Variants in SAMSN1 observed in about 807,000 individuals in gnomAD.
SAMSN1 encodes SAM domain-containing protein SAMSN-1.
Under a neutral mutation model 42.0 loss-of-function variants are expected in SAMSN1, and 31 were observed. That is an observed-to-expected ratio of 0.74 (90% confidence interval 0.55 to 1.00). The LOEUF (loss-of-function observed/expected upper bound fraction) is 1.00. Ranked by LOEUF, SAMSN1 falls within the 50% of genes least tolerant of loss-of-function variation. The probability of loss-of-function intolerance (pLI) is 0.00; values close to 1 mark genes in which losing one functional copy is unlikely to be tolerated. For missense variants in SAMSN1, 464 were observed against 439.4 expected (o/e 1.06, Z -0.50); for synonymous variants, 178 against 151.9 (o/e 1.17, Z -1.26).
At chr21:14,539,611 G>T (rs1979869893) in intron 1 of SAMSN1, among the ~76,000 whole-genome samples, 1 of 151,722 alleles carries the variant, frequency 6.6e-6, no homozygotes, top group African/African-American at 2.4e-5. Flanking sequence ...TCTTCAAGGA[G>T]AACTACAAAC....
At chr21:14,607,716 G>T (rs985626856) in intron 5 of SAMSN1, among the ~76,000 whole-genome samples, 1 of 152,108 alleles carries the variant, frequency 6.6e-6, no homozygotes, top group Non-Finnish European at 1.5e-5. Context: ...ATAGAATTCC[G>T]TGCCTATTAT....
chr21:14,517,388 G>T (rs1252679477), intron 2 of SAMSN1, among the ~76,000 whole-genome samples: 1 of 152,136 alleles, frequency 6.6e-6, no homozygotes, highest in Non-Finnish European at 1.5e-5. Flanking sequence ...CAGGTATAAG[G>T]AGTTCTTATG....
At chr21:14,563,246 C>T (rs1981002732) in intron 2 of SAMSN1, among the ~76,000 whole-genome samples, 1 of 152,134 alleles carries the variant, frequency 6.6e-6, no homozygotes, top group South Asian at 2.1e-4. Context: ...AAATATCTTT[C>T]ATTTCATTTA....
At chr21:14,648,390 A>T (rs1181418332) in intron 1 of SAMSN1, among the ~76,000 whole-genome samples, 1 of 152,204 alleles carries the variant, frequency 6.6e-6, no homozygotes, top group South Asian at 2.1e-4. Flanking sequence ...CACCAAAAGC[A>T]ATGGCAACAA....
chr21:14,643,264 A>G, intron 1 of SAMSN1: 3 of 572,900 alleles, frequency 5.2e-6, no homozygotes, highest in East Asian at 5.6e-5. Flanking sequence ...TTAAGAGTTT[A>G]CAGTATGCTA....
chr21:14,635,534 G>A (rs73894119), intron 2 of SAMSN1, among the ~76,000 whole-genome samples: 4,601 of 152,136 alleles, frequency 0.03, 207 homozygotes, highest in African/African-American at 0.1. Flanking sequence ...TTTCTAATGC[G>A]CATCAACAGT....
intron 2 of SAMSN1, among the ~76,000 whole-genome samples, chr21:14,640,493 A>T (rs1983568422): frequency 6.6e-6 from 1 of 152,108 alleles, no homozygotes; most frequent in South Asian, 2.1e-4. Context: ...TGGTACTGTT[A>T]AGTCTGGTCC....
intron 6 of SAMSN1, chr21:14,594,555 C>T (rs10222079): frequency 0.076 from 11,541 of 152,216 alleles, 1,313 homozygotes; most frequent in African/African-American, 0.25. Context: ...AAGCCAAATA[C>T]ACATTTGGAT....
At chr21:14,515,245 G>C (rs1369654395) in intron 3 of SAMSN1, among the ~76,000 whole-genome samples, 2 of 152,120 alleles carry the variant, frequency 1.3e-5, no homozygotes, top group Non-Finnish European at 2.9e-5. Flanking sequence ...TGTTGAAGTG[G>C]ATTGAAAAAG....
Position 14,498,484 on chromosome 21 carries a change from T to G in SAMSN1, c.877A>C (p.Arg293=), listed in dbSNP as rs1380992980. ...TTTTCAGCAGCTGATAGTAACCTTC[T>G]TCTGTCATCTGGGTTTTCAATATTT... ...ELNIENPDDR[R]RLLSAAENFL... Residue 293 remains arginine (R), a synonymous_variant, in exon 7 of 8, where the codon AGA becomes CGA. Coordinates refer to ENST00000400566, the MANE Select transcript of SAMSN1 (RefSeq NM_022136.5). The G allele has an allele frequency of 5.0e-6, 8 of 1,611,764 alleles. No homozygotes were observed. Among genetic ancestry groups the G allele is most frequent in the Non-Finnish European group, 6.8e-6 (8 of 1,179,316 alleles).
At chr21:14,619,685 AG>A (rs1324380295) in intron 2 of SAMSN1, 1 of 320,384 alleles carries the variant, frequency 3.1e-6, no homozygotes, top group East Asian at 9.1e-5. Context: ...CTATAACAAA[AG>A]AGAGATTAGC....
intron 2 of SAMSN1, among the ~76,000 whole-genome samples, chr21:14,560,439 T>C (rs781382481): frequency 5.9e-5 from 9 of 152,150 alleles, no homozygotes; most frequent in Non-Finnish European, 5.9e-5. Flanking sequence ...ATTTAGTATA[T>C]AGTTTAATCT....
intron 7 of SAMSN1, among the ~76,000 whole-genome samples, chr21:14,494,061 C>T (rs561183357): frequency 6.6e-6 from 1 of 152,186 alleles, no homozygotes; most frequent in Admixed American, 6.5e-5. Flanking sequence ...CAAGAAAAAA[C>T]AGATGCTGAA....
intron 7 of SAMSN1, 134 bp downstream of exon 7, chr21:14,498,308 T>C: frequency 1.4e-6 from 1 of 723,668 alleles, no homozygotes; most frequent in Non-Finnish European, 2.2e-6. Flanking sequence ...CAAACTTATA[T>C]GAAAATACCT....
chr21:14,511,928 A>C (rs530822985), intron 4 of SAMSN1, among the ~76,000 whole-genome samples: 2 of 152,326 alleles, frequency 1.3e-5, no homozygotes, highest in East Asian at 3.9e-4. Context: ...TCTAAAAAGT[A>C]AATGTCAGTA....
chr21:14,506,524 A>G (rs1987413975), intron 5 of SAMSN1, among the ~76,000 whole-genome samples: 2 of 152,324 alleles, frequency 1.3e-5, no homozygotes, highest in South Asian at 4.1e-4. Context: ...TAGACCAATA[A>G]CAATCAATGA....
At chr21:14,547,917 T>C (rs1980471777), upstream of SAMSN1, among the ~76,000 whole-genome samples, 1 of 152,126 alleles carries the variant, frequency 6.6e-6, no homozygotes, top group Non-Finnish European at 1.5e-5. Context: ...AAGCAGACTT[T>C]GATTTTTGAG....
chr21:14,529,194 T>C (rs1454069279), intron 1 of SAMSN1, among the ~76,000 whole-genome samples: 1 of 152,224 alleles, frequency 6.6e-6, no homozygotes, highest in Admixed American at 6.5e-5. Flanking sequence ...TCTTCTTTTA[T>C]TCCACCTACT....
At chr21:14,500,971 T>C (rs531550931) in intron 5 of SAMSN1, among the ~76,000 whole-genome samples, 1 of 152,266 alleles carries the variant, frequency 6.6e-6, no homozygotes, top group African/African-American at 2.4e-5. Flanking sequence ...GCCAGGAGTT[T>C]GAGACCAGCC....
Sources: allele counts gnomAD v4.1 joint callset (sites outside exome capture counted in the v4.1 genomes callset), GRCh38; gene constraint gnomAD v4.1.1; transcripts MANE v1.5; gene names NCBI Gene and HGNC (gene_info 2026-07-23, HGNC 2026-07-21).